Variants in CDH4 observed in about 807,000 individuals in gnomAD.
The protein encoded by CDH4 is cadherin-4.
Under a neutral mutation model 86.0 loss-of-function variants are expected in CDH4, and 33 were observed. The ratio of observed to expected loss-of-function variants is 0.38; its 90% CI spans 0.29 to 0.51. The LOEUF (loss-of-function observed/expected upper bound fraction) is 0.51, where lower values mean the gene tolerates loss of function less well. Among genes scored for constraint, CDH4 ranks in the 20% least tolerant of loss-of-function variants. The pLI is 0.86. For synonymous variants in CDH4, 555 were observed against 549.4 expected, an observed-to-expected ratio of 1.01 and a Z score of -0.14; for missense variants, 1,114 against 1,307.4, an observed-to-expected ratio of 0.85 and a Z score of 2.28.
intron 2 of CDH4, among the ~76,000 whole-genome samples, chr20:61,645,006 G>A (rs147383760): frequency 2.6e-5 from 4 of 152,200 alleles, no homozygotes; most frequent in Non-Finnish European, 5.9e-5. Context: ...CTCACATGGC[G>A]GGCGAGCTCC....
Position 61,417,193 on chromosome 20 carries a change from C to G in CDH4, c.169+162256C>G, listed in dbSNP as rs2085151739. Among the ~76,000 whole-genome samples, 2 of 152,206 alleles carry G rather than the reference C, an allele frequency of 1.3e-5. No individual in the cohort carries two copies. Among genetic ancestry groups the G allele is most frequent in the African/African-American group, 4.8e-5 (2 of 41,530 alleles). ...AGGACTCTGTTGGGGGCATGCAGTC[C>G]TGGTCTCCAAGAGACTCACTCTTTC... On this transcript the variant is annotated intron_variant, in intron 2 of 15. Transcript: ENST00000614565. This position sits in a 1 kb window ranked among gnomAD's most constrained non-coding sequence, Gnocchi z 4.0.
At chr20:61,576,347 G>A (rs2086382461) in intron 2 of CDH4, among the ~76,000 whole-genome samples, 1 of 152,102 alleles carries the variant, frequency 6.6e-6, no homozygotes, top group Admixed American at 6.5e-5. Context: ...GGCAGGTCAG[G>A]GTTAGGAGAG....
Position 61,252,626 on chromosome 20 carries a change from TC to T in CDH4, c.57+60del. ...GGAAGCCCCGGGCAGCGGGAGGTCG[TC>T]CCCGGATCCCGCGGGGCGCTCACAC... On this transcript the variant is annotated intron_variant, in intron 1 of 15. Transcript: ENST00000614565. The surrounding 1 kb of genome is among the most constrained non-coding windows in gnomAD (Gnocchi z 4.4). The T allele has an allele frequency of 3.7e-6, 4 of 1,067,144 alleles. No homozygotes were observed. The highest frequency in any genetic ancestry group is 4.5e-5 in the Admixed American group (1 of 22,058). 66.1% of individuals were successfully genotyped at this position (1,067,144 alleles called of 1,614,324 possible). A position where few individuals can be genotyped will look rare whatever the true frequency, so the allele number is the denominator to read the frequency against.
intron 2 of CDH4, among the ~76,000 whole-genome samples, chr20:61,579,985 A>C (rs951729370): frequency 6.6e-6 from 1 of 152,000 alleles, no homozygotes; most frequent in Non-Finnish European, 1.5e-5. Flanking sequence ...TGTGCACTTG[A>C]GGCGCATCCA....
At chr20:61,704,092 G>A (rs1254242179) in intron 2 of CDH4, among the ~76,000 whole-genome samples, 1 of 152,000 alleles carries the variant, frequency 6.6e-6, no homozygotes, top group East Asian at 1.9e-4. Context: ...CCCGTCTTGG[G>A]GTCGGGCACC....
intron 4 of CDH4, among the ~76,000 whole-genome samples, chr20:61,813,373 T>C (rs1980538841): frequency 6.6e-6 from 1 of 152,082 alleles, no homozygotes; most frequent in Admixed American, 6.5e-5. Context: ...AACCTGCCCC[T>C]CCCCAGTGCC....
intron 13 of CDH4, among the ~76,000 whole-genome samples, chr20:61,930,395 G>C (rs541966899): frequency 1.3e-5 from 2 of 152,338 alleles, no homozygotes; most frequent in African/African-American, 4.8e-5. Context: ...AGGGCTGGCG[G>C]GGGGGCGGTG....
At chr20:61,275,725 G>A (rs191065253) in intron 2 of CDH4, among the ~76,000 whole-genome samples, 36 of 152,034 alleles carry the variant, frequency 2.4e-4, no homozygotes, top group African/African-American at 8.0e-4. Context: ...GGCGTATCAT[G>A]TGCAGTTTGG....
rs528112815 is a variant in CDH4 at position 61,882,322 on chromosome 20, A to T, written c.1050+8422A>T. 9.9e-4 allele frequency among the ~76,000 whole-genome samples: 151 copies of T among 152,374 alleles called. 1 individual carries two copies. Among genetic ancestry groups the T allele is most frequent in the African/African-American group, 3.6e-3 (148 of 41,592 alleles). The stretch of plus-strand genomic sequence containing the variant: ...CTTAGGAGGAAGGAGCGGGGATTTC[A>T]TCTGTGCCCTCAGCGGCACGGCCCC... On this transcript the variant is annotated intron_variant, in intron 7 of 15. Transcript: ENST00000614565.
intron 2 of CDH4, among the ~76,000 whole-genome samples, chr20:61,533,520 G>A (rs1301568461): frequency 6.6e-6 from 1 of 152,252 alleles, no homozygotes; most frequent in Admixed American, 6.5e-5. Context: ...GAGGACCGGG[G>A]CTCAGCCTCC....
At chr20:61,844,412 C>A (rs1289923608) in intron 4 of CDH4, among the ~76,000 whole-genome samples, 2 of 151,976 alleles carry the variant, frequency 1.3e-5, no homozygotes, top group Non-Finnish European at 2.9e-5. Context: ...GGATGTCTGC[C>A]AGGCATCCCG....
At chr20:61,262,451 G>T (rs942335250) in intron 2 of CDH4, among the ~76,000 whole-genome samples, 24 of 152,210 alleles carry the variant, frequency 1.6e-4, no homozygotes, top group Non-Finnish European at 3.2e-4. Context: ...TTTGCCTCCA[G>T]GGGTGGCCTT....
At chr20:61,868,076 T>A (rs1424962877) in intron 6 of CDH4, among the ~76,000 whole-genome samples, 1 of 152,218 alleles carries the variant, frequency 6.6e-6, no homozygotes, top group Admixed American at 6.5e-5. Context: ...ATCCGATTAG[T>A]GCTTGGTTAA....
At chr20:61,688,505 T>C (rs2087613805) in intron 2 of CDH4, among the ~76,000 whole-genome samples, 1 of 152,220 alleles carries the variant, frequency 6.6e-6, no homozygotes, top group Non-Finnish European at 1.5e-5. Context: ...CAGCACTAAC[T>C]CTTGGTCCCC....
At chr20:61,809,611 A>G (rs1182168446) in intron 4 of CDH4, among the ~76,000 whole-genome samples, 1 of 152,210 alleles carries the variant, frequency 6.6e-6, no homozygotes, top group Non-Finnish European at 1.5e-5. Flanking sequence ...GCTGGATCCC[A>G]TTCTGGATCC....
chr20:61,819,791 G>C (rs1005766965), intron 4 of CDH4, among the ~76,000 whole-genome samples: 1 of 152,192 alleles, frequency 6.6e-6, no homozygotes. Flanking sequence ...CGTTTTAAAG[G>C]TGCTGTTTTA....
chr20:61,341,818 G>A (rs2084650696), intron 2 of CDH4, among the ~76,000 whole-genome samples: 1 of 152,200 alleles, frequency 6.6e-6, no homozygotes, highest in Admixed American at 6.5e-5. Flanking sequence ...AGCTTGGAGA[G>A]TGACAGGCCA....
chr20:61,698,504 C>T (rs1259021198), intron 2 of CDH4, among the ~76,000 whole-genome samples: 1 of 152,238 alleles, frequency 6.6e-6, no homozygotes, highest in Admixed American at 6.5e-5. Context: ...TGCAGGTGCC[C>T]GCAGAGGGCA....
intron 2 of CDH4, among the ~76,000 whole-genome samples, chr20:61,354,947 G>A (rs537659562): frequency 7.2e-5 from 11 of 152,242 alleles, no homozygotes; most frequent in East Asian, 1.9e-4. Flanking sequence ...AGGCATCACC[G>A]GCCACATTTG....
Sources: gnomAD v4.1 joint callset for allele counts (sites outside exome capture counted in the v4.1 genomes callset) on GRCh38, gnomAD v4.1.1 for gene constraint, Gnocchi (gnomAD v3.1) non-coding constraint, MANE v1.5 for transcripts, NCBI Gene and HGNC (gene_info 2026-07-23, HGNC 2026-07-21) for gene names.